Variants in ROBO1 observed in about 807,000 individuals in gnomAD.
ROBO1 encodes the protein roundabout guidance receptor 1.
A neutral mutation model predicts 195.9 loss-of-function variants in ROBO1; 149 were observed. That is an observed-to-expected ratio of 0.76 (90% CI 0.67 to 0.87). ROBO1 has a LOEUF of 0.87. Ranked by LOEUF, ROBO1 falls within the 40% of genes least tolerant of loss-of-function variation. ROBO1 has a pLI of 0.00. For missense variants in ROBO1, 1,933 were observed against 2,068.3 expected (o/e 0.93, Z 1.27); for synonymous variants, 816 against 733.2 (o/e 1.11, Z -1.82).
At chr3:79,465,133 T>C (rs1937891469) in intron 2 of ROBO1, among the ~76,000 whole-genome samples, 1 of 152,218 alleles carries the variant, frequency 6.6e-6, no homozygotes, top group Non-Finnish European at 1.5e-5. Context: ...TTGTATTGCA[T>C]AAACATTTTG....
At chr3:78,898,207 T>G in intron 4 of ROBO1, among the ~76,000 whole-genome samples, 1 of 149,858 alleles carries the variant, frequency 6.7e-6, no homozygotes, top group South Asian at 2.1e-4. Flanking sequence ...TTAAATAAAT[T>G]TATAGTGCAC....
intron 2 of ROBO1, among the ~76,000 whole-genome samples, chr3:79,302,894 C>T (rs1375656374): frequency 1.3e-5 from 2 of 151,964 alleles, no homozygotes; most frequent in Non-Finnish European, 2.9e-5. Context: ...TTTACATTAA[C>T]TATAGAAAAA....
At chr3:78,799,002 T>A (rs1266159783) in intron 4 of ROBO1, among the ~76,000 whole-genome samples, 1 of 152,176 alleles carries the variant, frequency 6.6e-6, no homozygotes, top group Non-Finnish European at 1.5e-5. Context: ...TTTGGGGCCA[T>A]GAGAAGAATC....
chr3:78,875,193 C>T (rs1488476520), intron 4 of ROBO1, among the ~76,000 whole-genome samples: 1 of 151,904 alleles, frequency 6.6e-6, no homozygotes, highest in Non-Finnish European at 1.5e-5. Flanking sequence ...GATCTTGGCA[C>T]TAATTTCGGA....
Position 79,429,997 on chromosome 3 carries a change from T to C in ROBO1, c.88+159827A>G, listed in dbSNP as rs1307195761. Among the ~76,000 whole-genome samples the C allele has an allele frequency of 3.3e-5, 5 of 152,048 alleles. No individual in the cohort carries two copies. In the East Asian group the frequency reaches 9.7e-4, roughly 29 times the overall value. ...TTCTTCTTTCCAACTAACTTTTCTC[T>C]CTCTCCTTTTTTAACTTTTTTATTG... On this transcript the variant is annotated intron_variant, in intron 2 of 30. Transcript: ENST00000464233.
intron 1 of ROBO1, among the ~76,000 whole-genome samples, chr3:79,669,260 T>C (rs1333177847): frequency 6.6e-6 from 1 of 151,810 alleles, no homozygotes. Context: ...GCCATCGATG[T>C]AAGAAGTGAC....
At chr3:78,932,661 C>G (rs1235878628) in intron 4 of ROBO1, among the ~76,000 whole-genome samples, 1 of 151,972 alleles carries the variant, frequency 6.6e-6, no homozygotes, top group Non-Finnish European at 1.5e-5. Flanking sequence ...TATTATTGAA[C>G]AGTAAATAGC....
intron 3 of ROBO1, among the ~76,000 whole-genome samples, chr3:79,100,494 C>T (rs537467666): frequency 6.6e-6 from 1 of 151,492 alleles, no homozygotes; most frequent in Non-Finnish European, 1.5e-5. Context: ...GACACAATAG[C>T]CAGCCCAAGA....
intron 1 of ROBO1, among the ~76,000 whole-genome samples, chr3:79,701,526 A>G (rs1244571245): frequency 6.6e-6 from 1 of 151,796 alleles, no homozygotes; most frequent in African/African-American, 2.4e-5. Flanking sequence ...TACAAAAGAT[A>G]GAAATAAATT....
intron 2 of ROBO1, among the ~76,000 whole-genome samples, chr3:79,448,896 G>T (rs1158374974): frequency 6.6e-6 from 1 of 152,100 alleles, no homozygotes; most frequent in Non-Finnish European, 1.5e-5. Context: ...TAACATATTT[G>T]TATCCAAGCC....
intron 8 of ROBO1, among the ~76,000 whole-genome samples, chr3:78,700,764 CTTT>C (rs71127355): frequency 2.1e-5 from 3 of 144,406 alleles, no homozygotes; most frequent in Admixed American, 1.4e-4. Context: ...ATCTTTTTTT[CTTT>C]TTTTTTTTTT....
At chr3:79,729,161 T>A (rs1440645548) in intron 1 of ROBO1, among the ~76,000 whole-genome samples, 2 of 152,214 alleles carry the variant, frequency 1.3e-5, no homozygotes, top group Admixed American at 6.5e-5. Context: ...ATTTTCAATG[T>A]AAGGTTCTTT....
chr3:78,904,525 T>C (rs2037774019), intron 4 of ROBO1, among the ~76,000 whole-genome samples: 1 of 152,034 alleles, frequency 6.6e-6, no homozygotes, highest in Admixed American at 6.6e-5. Flanking sequence ...CTACTCCAGT[T>C]GCATTTATGT....
At chr3:79,151,052 T>C (rs2080759471) in intron 2 of ROBO1, among the ~76,000 whole-genome samples, 1 of 151,842 alleles carries the variant, frequency 6.6e-6, no homozygotes, top group East Asian at 2.0e-4. Flanking sequence ...AATGAATAGG[T>C]CTCATGAGAT....
intron 2 of ROBO1, among the ~76,000 whole-genome samples, chr3:79,170,679 T>C (rs2081149823): frequency 6.6e-6 from 1 of 152,126 alleles, no homozygotes; most frequent in African/African-American, 2.4e-5. Context: ...TGGTTACAGA[T>C]GTTATTATTA....
At chr3:79,667,122 A>G (rs1423295666) in intron 1 of ROBO1, among the ~76,000 whole-genome samples, 1 of 151,944 alleles carries the variant, frequency 6.6e-6, no homozygotes, top group East Asian at 1.9e-4. Context: ...AATGACATAC[A>G]TTACCTGGCT....
At chr3:78,625,187 C>T (rs908784638) in intron 26 of ROBO1, among the ~76,000 whole-genome samples, 1 of 152,060 alleles carries the variant, frequency 6.6e-6, no homozygotes, top group African/African-American at 2.4e-5. Flanking sequence ...GAGGGCCTGC[C>T]CTAGCAGCTG....
chr3:79,630,998 T>C (rs770683118), intron 1 of ROBO1, among the ~76,000 whole-genome samples: 4 of 151,828 alleles, frequency 2.6e-5, no homozygotes, highest in African/African-American at 4.8e-5. Context: ...TGGAAAACCA[T>C]CCCATGTTTA....
intron 3 of ROBO1, among the ~76,000 whole-genome samples, chr3:79,065,491 G>A (rs2078989184): frequency 6.6e-6 from 1 of 151,894 alleles, no homozygotes; most frequent in African/African-American, 2.4e-5. Context: ...GAAAAGCGGT[G>A]GAGTTTAGGG....
Sources: allele counts gnomAD v4.1 joint callset (sites outside exome capture counted in the v4.1 genomes callset), GRCh38; gene constraint gnomAD v4.1.1; transcripts MANE v1.5; gene names NCBI Gene and HGNC (gene_info 2026-07-23, HGNC 2026-07-21).